The following CDH4 variants were observed in gnomAD, a reference collection of about 807,000 sequenced individuals.
The protein encoded by CDH4 is cadherin-4.
CDH4 carries 33 observed loss-of-function variants against 86.0 expected under a neutral mutation model. That is an observed-to-expected ratio of 0.38 (90% CI 0.29 to 0.51). The LOEUF (loss-of-function observed/expected upper bound fraction) is 0.51. Ranked by LOEUF, CDH4 falls within the 20% of genes least tolerant of loss-of-function variation. CDH4 has a pLI of 0.86. For missense variants in CDH4, 1,114 were observed against 1,307.4 expected (o/e 0.85, Z 2.28); for synonymous variants, 555 against 549.4 (o/e 1.01, Z -0.14).
At chr20:61,558,900 G>A (rs1485106641) in intron 2 of CDH4, among the ~76,000 whole-genome samples, 1 of 152,236 alleles carries the variant, frequency 6.6e-6, no homozygotes, top group Admixed American at 6.5e-5. Context: ...TGGCTTTGCT[G>A]CCTGCCAGCT....
rs949335951 is a variant in CDH4 at position 61,676,681 on chromosome 20, C to G, written c.170-66882C>G. 3.9e-5 allele frequency among the ~76,000 whole-genome samples: 6 copies of G among 152,198 alleles called. No individual in the cohort carries two copies. Among genetic ancestry groups the G allele is most frequent in the Non-Finnish European group, 7.3e-5 (5 of 68,038 alleles). ...CAACAAACAAACTCAATCCCACACACCCCCAGGAGCCTATGGAAGTGACCA... is the reference window on the plus strand; with the variant it reads ...CAACAAACAAACTCAATCCCACACAGCCCCAGGAGCCTATGGAAGTGACCA... On this transcript the variant is annotated intron_variant, in intron 2 of 15. Transcript: ENST00000614565. This position sits in a 1 kb window ranked among gnomAD's most constrained non-coding sequence, Gnocchi z 4.5.
At chr20:61,746,930 T>G (rs1377181617) in intron 3 of CDH4, among the ~76,000 whole-genome samples, 1 of 152,212 alleles carries the variant, frequency 6.6e-6, no homozygotes, top group Non-Finnish European at 1.5e-5. Flanking sequence ...CAGAGCGTGA[T>G]GCCAGCCTCT....
chr20:61,318,478 A>G (rs192128041), intron 2 of CDH4, among the ~76,000 whole-genome samples: 1 of 151,982 alleles, frequency 6.6e-6, no homozygotes, highest in East Asian at 1.9e-4. Context: ...ATCTCTTAGG[A>G]TTAACTGGGA....
chr20:61,792,279 C>T (rs1198250063), intron 4 of CDH4, among the ~76,000 whole-genome samples: 1 of 152,148 alleles, frequency 6.6e-6, no homozygotes, highest in African/African-American at 2.4e-5. Context: ...GTTGAGGTGA[C>T]AGCACCCAGC....
Position 61,708,747 on chromosome 20 carries a change from C to T in CDH4, c.170-34816C>T, listed in dbSNP as rs137868187. Among the ~76,000 whole-genome samples the T allele has an allele frequency of 3.2e-3, 495 of 152,312 alleles. 4 individuals carry two copies. The highest frequency in any genetic ancestry group is 0.011 in the African/African-American group (475 of 41,568). On this transcript the variant is annotated intron_variant, in intron 2 of 15. Transcript: ENST00000614565. This position sits in a 1 kb window ranked among gnomAD's most constrained non-coding sequence, Gnocchi z 4.5. The stretch of plus-strand genomic sequence containing the variant: ...CTCACATGAGGCGGCGCTGCCTCTG[C>T]GGAGGCCCCTTCTCTGAGTGTGCAT...
chr20:61,875,781 G>C (rs1021368521), intron 7 of CDH4, among the ~76,000 whole-genome samples: 1 of 152,208 alleles, frequency 6.6e-6, no homozygotes, highest in African/African-American at 2.4e-5. Context: ...CATTCAGCTA[G>C]GGAGATGATC....
chr20:61,651,443 C>CCTTCTGCCGCGGCGTTCCTT (rs1568733951), intron 2 of CDH4, among the ~76,000 whole-genome samples: 1 of 152,074 alleles, frequency 6.6e-6, no homozygotes, highest in Non-Finnish European at 1.5e-5. Flanking sequence ...CGGCGTTCCT[C>CCTTCTGCCGCGGCGTTCCTT]TCCTTCTGCC....
chr20:61,599,812 C>G lies in CDH4; in HGVS notation c.170-143751C>G, dbSNP rs771929962. ...CTCCCTCTGCCTTAATGATGCTGCC[C>G]CTTTCCTGTTCCTGGTTGAAGCTGA... On this transcript the variant is annotated intron_variant, in intron 2 of 15. Transcript: ENST00000614565. The G allele has an allele frequency of 3.1e-4, 307 of 985,600 alleles. 1 individual carries two copies. Among genetic ancestry groups the G allele is most frequent in the South Asian group, 3.3e-4 (7 of 21,280 alleles). The allele number at this position is 985,600 out of a possible 1,614,324, so 61.1% of individuals were successfully genotyped here.
At chr20:61,678,988 T>C (rs906848150) in intron 2 of CDH4, among the ~76,000 whole-genome samples, 1 of 152,158 alleles carries the variant, frequency 6.6e-6, no homozygotes, top group Non-Finnish European at 1.5e-5. Context: ...TGAAAATGAC[T>C]CAGGTTTTCT....
intron 2 of CDH4, among the ~76,000 whole-genome samples, chr20:61,546,807 G>A (rs918704391): frequency 1.3e-5 from 2 of 152,140 alleles, no homozygotes; most frequent in African/African-American, 4.8e-5. Flanking sequence ...AGGCAGGAAC[G>A]GGTTGGCTGG....
chr20:61,476,042 T>C (rs1231279775), intron 2 of CDH4, among the ~76,000 whole-genome samples: 1 of 152,140 alleles, frequency 6.6e-6, no homozygotes, highest in African/African-American at 2.4e-5. Context: ...ACCAGTCCTA[T>C]TGGACGCACA....
intron 2 of CDH4, among the ~76,000 whole-genome samples, chr20:61,291,447 C>T (rs1002835412): frequency 3.3e-5 from 5 of 152,194 alleles, no homozygotes; most frequent in East Asian, 1.9e-4. Flanking sequence ...TACAGGTACC[C>T]GTTAGCTGTG....
Position 61,928,496 on chromosome 20 carries a change from T to C in CDH4, c.2005+73T>C, listed in dbSNP as rs1239460089. On this transcript the variant is annotated intron_variant, in intron 12 of 15. Transcript: ENST00000614565. ...AGGCCCCTGGGAGACCCAGCTGGCC[T>C]TGGAAGAGTGGGCACCAGAGGTGGG... 3.0e-6 allele frequency: 4 copies of C among 1,342,372 alleles called. No homozygotes were observed. In the African/African-American group the frequency reaches 5.7e-5, roughly 19 times the overall value. 83.2% of individuals were successfully genotyped at this position (1,342,372 alleles called of 1,614,324 possible). A position where few individuals can be genotyped will look rare whatever the true frequency, so the allele number is the denominator to read the frequency against.
chr20:61,372,305 A>G (rs1439132654), intron 2 of CDH4, among the ~76,000 whole-genome samples: 1 of 152,200 alleles, frequency 6.6e-6, no homozygotes, highest in African/African-American at 2.4e-5. Flanking sequence ...AGGCAGCCGC[A>G]ATGGGACCAG....
At chr20:61,325,553 T>C (rs914616089) in intron 2 of CDH4, among the ~76,000 whole-genome samples, 3 of 141,624 alleles carry the variant, frequency 2.1e-5, no homozygotes, top group African/African-American at 8.0e-5. Context: ...TTTCATCAGG[T>C]GGGGGTCTGT....
intron 2 of CDH4, among the ~76,000 whole-genome samples, chr20:61,286,320 A>G (rs1026538941): frequency 1.3e-5 from 2 of 152,222 alleles, no homozygotes; most frequent in African/African-American, 2.4e-5. Context: ...ACTGGGGTTA[A>G]TGCTGACGAG....
At chr20:61,617,981 T>C (rs972439051) in intron 2 of CDH4, among the ~76,000 whole-genome samples, 39 of 152,210 alleles carry the variant, frequency 2.6e-4, no homozygotes, top group African/African-American at 9.2e-4. Context: ...CCCTTTTGCT[T>C]GGCTCTCATT....
At chr20:61,310,853 C>T (rs1204399573) in intron 2 of CDH4, among the ~76,000 whole-genome samples, 1 of 152,152 alleles carries the variant, frequency 6.6e-6, no homozygotes, top group Non-Finnish European at 1.5e-5. Flanking sequence ...ACAGGGACAC[C>T]AGTCACCTCA....
intron 2 of CDH4, among the ~76,000 whole-genome samples, chr20:61,558,259 C>T (rs1296239416): frequency 6.6e-6 from 1 of 152,100 alleles, no homozygotes; most frequent in African/African-American, 2.4e-5. Flanking sequence ...GAATTCACAC[C>T]AAGAACCCTG....
Sources: allele counts gnomAD v4.1 joint callset (sites outside exome capture counted in the v4.1 genomes callset), GRCh38; gene constraint gnomAD v4.1.1; non-coding constraint Gnocchi (gnomAD v3.1); transcripts MANE v1.5; gene names NCBI Gene and HGNC (gene_info 2026-07-23, HGNC 2026-07-21).